The following ZNF407 variants were observed in gnomAD, a reference collection of about 807,000 sequenced individuals.
ZNF407 encodes zinc finger protein 407.
A neutral mutation model predicts 131.2 loss-of-function variants in ZNF407; 17 were observed. The ratio of observed to expected loss-of-function variants is 0.13; its 90% CI spans 0.09 to 0.19. The LOEUF is 0.19. Ranked by LOEUF, ZNF407 falls within the 10% of genes least tolerant of loss-of-function variation. The probability of loss-of-function intolerance (pLI) is 1.00; values close to 1 mark genes in which losing one functional copy is unlikely to be tolerated. For synonymous variants in ZNF407, 1,156 were observed against 1,062.0 expected, an observed-to-expected ratio of 1.09 and a Z score of -1.72; for missense variants, 2,681 against 2,830.6, an observed-to-expected ratio of 0.95 and a Z score of 1.20.
intron 4 of ZNF407, among the ~76,000 whole-genome samples, chr18:74,815,495 G>A (rs1970255789): frequency 1.3e-5 from 2 of 152,084 alleles, no homozygotes; most frequent in Admixed American, 6.6e-5. Flanking sequence ...GAGAAAATGA[G>A]TTTTGTTTTA....
intron 8 of ZNF407, among the ~76,000 whole-genome samples, chr18:74,930,485 T>A (rs1254013842): frequency 2.6e-5 from 4 of 152,188 alleles, no homozygotes; most frequent in Non-Finnish European, 5.9e-5. Context: ...AATTTTGACA[T>A]CCATTAGTTT....
At chr18:75,017,819 C>T (rs1209193953) in intron 8 of ZNF407, among the ~76,000 whole-genome samples, 1 of 152,124 alleles carries the variant, frequency 6.6e-6, no homozygotes, top group Non-Finnish European at 1.5e-5. Flanking sequence ...CAAAGTTGTT[C>T]TTCTGAAAGA....
chr18:74,747,540 A>G (rs1407744685), intron 3 of ZNF407, among the ~76,000 whole-genome samples: 1 of 152,096 alleles, frequency 6.6e-6, no homozygotes, highest in African/African-American at 2.4e-5. Context: ...TAAATAACTG[A>G]AGAAAAATCT....
intron 8 of ZNF407, among the ~76,000 whole-genome samples, chr18:74,938,469 CAT>C (rs1455554574): frequency 7.9e-5 from 12 of 152,162 alleles, no homozygotes; most frequent in African/African-American, 2.7e-4. Context: ...CTCTTTGACA[CAT>C]AGTGTACCCT....
intron 7 of ZNF407, among the ~76,000 whole-genome samples, chr18:74,901,315 C>G (rs934942018): frequency 2.0e-5 from 3 of 152,168 alleles, no homozygotes; most frequent in East Asian, 1.9e-4. Flanking sequence ...TAGGTTTTAG[C>G]TTGTTTTTCA....
chr18:74,791,447 A>G (rs1969824212), intron 4 of ZNF407, among the ~76,000 whole-genome samples: 1 of 152,154 alleles, frequency 6.6e-6, no homozygotes, highest in Non-Finnish European at 1.5e-5. Context: ...TAGACATAGC[A>G]TTGGGCAGTA....
At chr18:74,722,802 T>C (rs1424818819) in intron 3 of ZNF407, among the ~76,000 whole-genome samples, 5 of 152,214 alleles carry the variant, frequency 3.3e-5, no homozygotes, top group Non-Finnish European at 5.9e-5. Flanking sequence ...TGCAGTTTTA[T>C]ACTTATTTTT....
At chr18:75,019,555 C>T (rs1301761326) in intron 8 of ZNF407, among the ~76,000 whole-genome samples, 1 of 151,966 alleles carries the variant, frequency 6.6e-6, no homozygotes, top group Non-Finnish European at 1.5e-5. Flanking sequence ...CTCTCTTAGT[C>T]CCACTCTTTC....
chr18:75,038,899 A>G (rs933803950), intron 8 of ZNF407, among the ~76,000 whole-genome samples: 2 of 152,184 alleles, frequency 1.3e-5, no homozygotes, highest in African/African-American at 2.4e-5. Flanking sequence ...ACTTAGGCAG[A>G]TATCTGAGGT....
In ZNF407 at chr18:74,801,270, G is replaced by T. The variant is rs142483154; in HGVS notation, c.4877+19768G>T. Among the ~76,000 whole-genome samples the T allele has an allele frequency of 9.0e-3, 1,371 of 152,010 alleles. 23 individuals carry two copies. The highest frequency in any genetic ancestry group is 0.03 in the African/African-American group (1,258 of 41,460). ...TCAGTTTGTCACATTCCTTTGTCAA[G>T]GTATATGAGATTAATTTTATAAATC... On this transcript the variant is annotated intron_variant, in intron 4 of 8. Transcript: ENST00000299687.
At chr18:74,857,169 C>T (rs958936094) in intron 4 of ZNF407, among the ~76,000 whole-genome samples, 5 of 152,160 alleles carry the variant, frequency 3.3e-5, no homozygotes, top group Non-Finnish European at 2.9e-5. Flanking sequence ...CCAATTACAG[C>T]GTTTCATGTA....
intron 3 of ZNF407, among the ~76,000 whole-genome samples, chr18:74,762,784 C>T (rs1969126322): frequency 6.6e-6 from 1 of 151,434 alleles, no homozygotes; most frequent in Non-Finnish European, 1.5e-5. Context: ...TAGTTAATTC[C>T]TCATTATTGC....
At chr18:74,722,419 T>C (rs1968060795) in intron 3 of ZNF407, among the ~76,000 whole-genome samples, 1 of 152,210 alleles carries the variant, frequency 6.6e-6, no homozygotes, top group Admixed American at 6.5e-5. Context: ...CTTGCTAGCC[T>C]GTCAGTTGCT....
intron 8 of ZNF407, among the ~76,000 whole-genome samples, chr18:75,046,953 G>C (rs1031293960): frequency 2.0e-5 from 3 of 152,140 alleles, no homozygotes; most frequent in Admixed American, 2.0e-4. Context: ...AGGTTAAAAA[G>C]TATCTGAAGA....
chr18:74,604,833 C>A (rs1047608269), intron 1 of ZNF407, among the ~76,000 whole-genome samples: 1 of 152,214 alleles, frequency 6.6e-6, no homozygotes, highest in Non-Finnish European at 1.5e-5. Context: ...ATGGGACACT[C>A]ACCATGTGTA....
At chr18:74,826,405 G>T (rs1970410380) in intron 4 of ZNF407, among the ~76,000 whole-genome samples, 1 of 152,204 alleles carries the variant, frequency 6.6e-6, no homozygotes, top group Admixed American at 6.5e-5. Context: ...TCTTCTCAAG[G>T]TTGATCTCTT....
chr18:74,724,190 TTTG>T (rs1968104217), intron 3 of ZNF407, among the ~76,000 whole-genome samples: 1 of 152,192 alleles, frequency 6.6e-6, no homozygotes. Flanking sequence ...TATTTTATTT[TTTG>T]TTCAAATTTA....
chr18:74,668,302 GTCCTATTTCCAAGAT>G (rs1427850317), intron 3 of ZNF407, among the ~76,000 whole-genome samples: 1 of 152,118 alleles, frequency 6.6e-6, no homozygotes, highest in Non-Finnish European at 1.5e-5. Context: ...TTAGACTTGT[GTCCTATTTCCAAGAT>G]ACCGATATAT....
chr18:74,616,887 A>G (rs1983317917), intron 1 of ZNF407, among the ~76,000 whole-genome samples: 1 of 151,090 alleles, frequency 6.6e-6, no homozygotes, highest in Admixed American at 6.6e-5. Context: ...TCCACACACC[A>G]CACACATCCA....
Sources: allele counts gnomAD v4.1 joint callset (sites outside exome capture counted in the v4.1 genomes callset), GRCh38; gene constraint gnomAD v4.1.1; transcripts MANE v1.5; gene names NCBI Gene and HGNC (gene_info 2026-07-23, HGNC 2026-07-21).